TMEM132E: variants seen among roughly 807,000 people sequenced by gnomAD.
TMEM132E encodes transmembrane protein 132E.
Under a neutral mutation model 78.5 loss-of-function variants are expected in TMEM132E, and 49 were observed. That is an observed-to-expected ratio of 0.62 (90% confidence interval 0.50 to 0.79). The LOEUF is 0.79. Ranked by LOEUF, TMEM132E falls within the 30% of genes least tolerant of loss-of-function variation. The pLI, the probability that TMEM132E is intolerant of heterozygous loss-of-function variation, is 0.00. For synonymous variants in TMEM132E, 715 were observed against 670.6 expected (o/e 1.07, Z -1.02); for missense variants, 1,403 against 1,470.9 (o/e 0.95, Z 0.75).
chr17:34,637,085 G>T, intron 8 of TMEM132E, 92 bp from the exon 9 acceptor site: 2 of 1,125,190 alleles, frequency 1.8e-6, no homozygotes, highest in Non-Finnish European at 1.3e-6. Context: ...CCAGAGACCC[G>T]TGGTCCCTGC....
At chr17:34,623,401 TCCCC>T (rs5820092) in intron 1 of TMEM132E, among the ~76,000 whole-genome samples, 36 of 145,012 alleles carry the variant, frequency 2.5e-4, no homozygotes, top group African/African-American at 9.4e-4. Flanking sequence ...TAGTACCCGC[TCCCC>T]CCCCCCCCCC....
chr17:34,626,269 C>T lies in TMEM132E; in HGVS notation c.210C>T (p.Asn70=), dbSNP rs1268230814. Residue 70 remains asparagine (N), a synonymous_variant, in exon 2 of 9, where the codon AAC becomes AAT. Transcript: ENST00000631683. ...EARPPSPAVA[N]SSLQRSEPFV... is the part of the protein sequence containing the mutation. ...GGCCCCCGTCACCCGCGGTCGCCAA[C>T]AGCTCTCTGCAGCGCTCCGAGCCCT... is the stretch of plus-strand genomic sequence containing the variant. 1 of 1,606,816 alleles carries T rather than the reference C, an allele frequency of 6.2e-7. No individual in the cohort carries two copies. The highest frequency in any genetic ancestry group is 1.3e-5 in the African/African-American group (1 of 74,994).
Position 34,638,163 on chromosome 17 carries a change from G to A in TMEM132E, c.3156G>A (p.Ala1052=), listed in dbSNP as rs1907604538. The change falls in exon 9 of 9, where the codon GCG becomes GCA. Residue 1052 remains alanine (A), a synonymous_variant. Coordinates refer to ENST00000631683, the MANE Select transcript of TMEM132E (RefSeq NM_001304438.2). ...EDLGWGCPDV[A]GPTRPTAPPD... ...TGGGTTGGGGCTGCCCGGATGTGGCGGGCCCCACGCGGCCCACTGCACCCC... is the reference window on the plus strand; with the variant it reads ...TGGGTTGGGGCTGCCCGGATGTGGCAGGCCCCACGCGGCCCACTGCACCCC... 2 of 1,606,016 alleles carry A rather than the reference G, an allele frequency of 1.2e-6. No individual in the cohort carries two copies. The highest frequency in any genetic ancestry group is 1.1e-5 in the South Asian group (1 of 89,948).
intron 1 of TMEM132E, among the ~76,000 whole-genome samples, chr17:34,590,836 A>G (rs763551506): frequency 6.6e-6 from 1 of 152,166 alleles, no homozygotes; most frequent in Middle Eastern, 3.2e-3. Flanking sequence ...AGGGTTCTCA[A>G]TAATTACTTG....
chr17:34,622,998 A>T (rs1431722421), intron 1 of TMEM132E, among the ~76,000 whole-genome samples: 1 of 152,124 alleles, frequency 6.6e-6, no homozygotes. Context: ...AGAGAGAGAG[A>T]GAAAAGAGAG....
At chr17:34,637,148 C>T (rs777061982) in intron 8 of TMEM132E, 29 bp from the exon 9 acceptor site, 11 of 1,568,088 alleles carry the variant, frequency 7.0e-6, no homozygotes, top group Non-Finnish European at 6.9e-6. Context: ...CTCTTTGACT[C>T]CTATCCCCTC....
In TMEM132E at chr17:34,636,045, G is replaced by A. The variant is rs374033857; in HGVS notation, c.2016G>A (p.Thr672=). 1.4e-5 allele frequency: 22 copies of A among 1,554,884 alleles called. No homozygotes were observed. Among genetic ancestry groups the A allele is most frequent in the African/African-American group, 2.8e-5 (2 of 71,568 alleles). The part of the protein sequence containing the change: ...SPLTEAVLGE[T]LLTVTEEKVS... ...TGACGGAGGCTGTGCTCGGGGAGACGCTGCTGACGGTGACTGAGGAGAAGG... is the reference window on the plus strand; with the variant it reads ...TGACGGAGGCTGTGCTCGGGGAGACACTGCTGACGGTGACTGAGGAGAAGG... Residue 672 remains threonine, a synonymous_variant, in exon 8 of 9, where the codon ACG becomes ACA. Coordinates refer to ENST00000631683, the MANE Select transcript of TMEM132E (RefSeq NM_001304438.2).
intron 1 of TMEM132E, among the ~76,000 whole-genome samples, chr17:34,611,130 T>C (rs924283348): frequency 3.3e-5 from 5 of 152,264 alleles, no homozygotes; most frequent in Non-Finnish European, 5.9e-5. Context: ...CCAGGTGGAA[T>C]GTGTGAGGAA....
At chr17:34,609,453 TCC>T (rs879898414) in intron 1 of TMEM132E, among the ~76,000 whole-genome samples, 12 of 152,104 alleles carry the variant, frequency 7.9e-5, no homozygotes, top group Non-Finnish European at 1.6e-4. Context: ...AGCTCTTTCC[TCC>T]CCAGGACCTG....
chr17:34,628,333 A>T (rs1244020290), intron 2 of TMEM132E, among the ~76,000 whole-genome samples: 1 of 152,234 alleles, frequency 6.6e-6, no homozygotes, highest in African/African-American at 2.4e-5. Context: ...AAGACTTGGC[A>T]GGGATACGGT....
At chr17:34,591,648 T>A (rs1905873243) in intron 1 of TMEM132E, among the ~76,000 whole-genome samples, 1 of 152,178 alleles carries the variant, frequency 6.6e-6, no homozygotes, top group Admixed American at 6.5e-5. Context: ...GCCTACCTCC[T>A]CATTCCTCAT....
At chr17:34,600,127 G>T (rs183524288) in intron 1 of TMEM132E, among the ~76,000 whole-genome samples, 1 of 152,152 alleles carries the variant, frequency 6.6e-6, no homozygotes, top group Admixed American at 6.5e-5. Context: ...TCTTCCTCTC[G>T]TTCACTTAGT....
At chr17:34,600,426 A>AGTGTGTGTGTGTGTGTGT (rs3220449) in intron 1 of TMEM132E, among the ~76,000 whole-genome samples, 41 of 144,034 alleles carry the variant, frequency 2.8e-4, no homozygotes, top group Admixed American at 8.3e-4. Flanking sequence ...AGCGTATATG[A>AGTGTGTGTGTGTGTGTGT]GTGTGTGTGT....
At chr17:34,609,710 G>T (rs1906527158) in intron 1 of TMEM132E, among the ~76,000 whole-genome samples, 1 of 152,172 alleles carries the variant, frequency 6.6e-6, no homozygotes, top group African/African-American at 2.4e-5. Context: ...ACTTTTACAA[G>T]TATAGGATCT....
intron 4 of TMEM132E, among the ~76,000 whole-genome samples, chr17:34,629,748 G>A (rs570902664): frequency 6.6e-6 from 1 of 152,152 alleles, no homozygotes; most frequent in Non-Finnish European, 1.5e-5. Context: ...GAGATGGCAG[G>A]GGCCTGGGGA....
Position 34,583,909 on chromosome 17 carries a change from G to C in TMEM132E, c.67+2766G>C, listed in dbSNP as rs550244979. Among the ~76,000 whole-genome samples the C allele has an allele frequency of 1.8e-3, 271 of 152,296 alleles. 1 individual carries two copies. Among genetic ancestry groups the C allele is most frequent in the African/African-American group, 5.9e-3 (246 of 41,566 alleles). On this transcript the variant is annotated intron_variant, in intron 1 of 8. Transcript: ENST00000631683. The stretch of plus-strand genomic sequence containing the variant: ...ATGAGATAGGCAGAGTGGTGTGTTT[G>C]GGCACCTCTACACTGTTCCCAGTCT...
chr17:34,630,558 A>T (rs1033714889), intron 5 of TMEM132E, among the ~76,000 whole-genome samples: 2 of 152,184 alleles, frequency 1.3e-5, no homozygotes, highest in Non-Finnish European at 2.9e-5. Context: ...GTGTGTGCAG[A>T]CACTTGGCAA....
In TMEM132E at chr17:34,630,004, G is replaced by T. The variant is rs1328283438; in HGVS notation, c.1339-4G>T. On this transcript the variant is annotated splice_region_variant and splice_polypyrimidine_tract_variant and intron_variant, in intron 4 of 8. Coordinates refer to ENST00000631683, the MANE Select transcript of TMEM132E (RefSeq NM_001304438.2). ...GTAGAGCCCCCCCCTTCTCCTCCCT[G>T]CAGGACACAGAGATCATCAACACGG... The T allele has an allele frequency of 6.2e-7, 1 of 1,601,966 alleles. No individual in the cohort carries two copies. Among genetic ancestry groups the T allele is most frequent in the Non-Finnish European group, 8.5e-7 (1 of 1,170,426 alleles).
intron 1 of TMEM132E, among the ~76,000 whole-genome samples, chr17:34,588,121 G>A (rs918523845): frequency 2.0e-5 from 3 of 152,252 alleles, no homozygotes; most frequent in Non-Finnish European, 4.4e-5. Context: ...CCTCGAATAA[G>A]TCATGCTCTT....
Sources: allele counts gnomAD v4.1 joint callset (sites outside exome capture counted in the v4.1 genomes callset), GRCh38; gene constraint gnomAD v4.1.1; transcripts MANE v1.5; gene names NCBI Gene and HGNC (gene_info 2026-07-23, HGNC 2026-07-21).